Variants in SLC16A2 observed in about 807,000 individuals in gnomAD.
The protein encoded by SLC16A2 is solute carrier family 16 member 2.
Under a neutral mutation model 27.2 loss-of-function variants are expected in SLC16A2, and 3 were observed. The observed-to-expected ratio is 0.11, with a 90% CI of 0.05 to 0.28. SLC16A2 has a LOEUF of 0.28. Ranked by LOEUF, SLC16A2 falls within the 10% of genes least tolerant of loss-of-function variation. The pLI, the probability that SLC16A2 is intolerant of heterozygous loss-of-function variation, is 1.00. For synonymous variants in SLC16A2, 202 were observed against 187.8 expected, an observed-to-expected ratio of 1.08 and a Z score of -0.62; for missense variants, 295 against 458.5, an observed-to-expected ratio of 0.64 and a Z score of 3.26.
Position 74,495,940 on chromosome X carries a change from C to T in SLC16A2, c.431-25050C>T, listed in dbSNP as rs1324185733. On this transcript the variant is annotated intron_variant, in intron 1 of 5. Coordinates refer to ENST00000587091, the MANE Select transcript of SLC16A2 (RefSeq NM_006517.5). ...CTAGACCCAGCCAAGTCCCTGCTCC[C>T]GATCCCCAAGGTGTTCAGGAGGGGG... is the stretch of plus-strand genomic sequence containing the variant. Among the ~76,000 whole-genome samples, 10 of 111,141 alleles carry T rather than the reference C, an allele frequency of 9.0e-5. No individual in the cohort carries two copies. In the East Asian group the frequency reaches 2.8e-3, roughly 32 times the overall value.
intron 1 of SLC16A2, among the ~76,000 whole-genome samples, chrX:74,429,203 C>T (rs190123310): frequency 1.8e-5 from 2 of 111,444 alleles, no homozygotes; most frequent in Admixed American, 9.5e-5. Context: ...CCCAGTGGCT[C>T]AAGCCTGTAA....
chrX:74,493,521 C>T (rs1325910567), intron 1 of SLC16A2, among the ~76,000 whole-genome samples: 2 of 112,051 alleles, frequency 1.8e-5, no homozygotes, highest in Non-Finnish European at 3.8e-5. Context: ...GCTTCCCGTC[C>T]CCGAAGGACA....
chrX:74,512,094 G>A (rs780371275), intron 1 of SLC16A2, among the ~76,000 whole-genome samples: 1 of 111,921 alleles, frequency 8.9e-6, no homozygotes, highest in Non-Finnish European at 1.9e-5. Context: ...CCACCACCTG[G>A]CTGGATGTGC....
intron 2 of SLC16A2, among the ~76,000 whole-genome samples, chrX:74,522,151 G>A (rs1261884777): frequency 1.8e-5 from 2 of 111,824 alleles, no homozygotes; most frequent in African/African-American, 3.3e-5. Flanking sequence ...ACATGTCTGG[G>A]ATGAGGTCAG....
chrX:74,500,363 C>G (rs1455762777), intron 1 of SLC16A2, among the ~76,000 whole-genome samples: 4 of 111,508 alleles, frequency 3.6e-5, no homozygotes, highest in Non-Finnish European at 7.5e-5. Context: ...TAATTTAAAA[C>G]AGTGCTTATT....
At chrX:74,435,528 T>TATATATGTATATATATATATGC (rs1394418462) in intron 1 of SLC16A2, among the ~76,000 whole-genome samples, 1 of 65,880 alleles carries the variant, frequency 1.5e-5, no homozygotes, top group East Asian at 4.9e-3. Context: ...TATATATGCA[T>TATATATGTATATATATATATGC]ATATATATGT....
intron 1 of SLC16A2, among the ~76,000 whole-genome samples, chrX:74,429,513 G>T (rs1402373177): frequency 3.6e-5 from 4 of 110,572 alleles, no homozygotes; most frequent in Non-Finnish European, 7.6e-5. Flanking sequence ...GGAGGTGGGG[G>T]AGTGAAGCTC....
chrX:74,441,565 G>A (rs1026778911), intron 1 of SLC16A2, among the ~76,000 whole-genome samples: 1 of 111,909 alleles, frequency 8.9e-6, no homozygotes, highest in African/African-American at 3.3e-5. Flanking sequence ...TGTAGGCCTA[G>A]ACTTGAGCAG....
intron 1 of SLC16A2, among the ~76,000 whole-genome samples, chrX:74,455,023 G>A (rs1929017460): frequency 8.9e-6 from 1 of 112,192 alleles, no homozygotes; most frequent in Non-Finnish European, 1.9e-5. Flanking sequence ...GCACTCTAAA[G>A]CCAGAATGCC....
At chrX:74,479,070 G>T (rs1339152216) in intron 1 of SLC16A2, among the ~76,000 whole-genome samples, 1 of 112,006 alleles carries the variant, frequency 8.9e-6, no homozygotes. Flanking sequence ...ATAATATCCG[G>T]CAGAGTGTTT....
At chrX:74,470,219 G>A (rs887389542) in intron 1 of SLC16A2, among the ~76,000 whole-genome samples, 5 of 112,235 alleles carry the variant, frequency 4.5e-5, no homozygotes, top group Non-Finnish European at 3.8e-5. Flanking sequence ...TTCACCTACC[G>A]AAGGAAATCT....
intron 1 of SLC16A2, among the ~76,000 whole-genome samples, chrX:74,446,479 G>C (rs940750484): frequency 9.0e-6 from 1 of 111,443 alleles, no homozygotes; most frequent in African/African-American, 3.3e-5. Context: ...AAATTAGCCA[G>C]GTGTGGTGGC....
At chrX:74,499,367 T>G (rs759185116) in intron 1 of SLC16A2, among the ~76,000 whole-genome samples, 1 of 110,313 alleles carries the variant, frequency 9.1e-6, no homozygotes, top group African/African-American at 3.3e-5. Context: ...AGTATTCATC[T>G]CCTCCTCAAT....
chrX:74,473,364 A>T, intron 1 of SLC16A2: 2 of 539,700 alleles, frequency 3.7e-6, no homozygotes, highest in South Asian at 4.8e-5. Flanking sequence ...AACCACTTCC[A>T]CCTCTGGCTG....
At chrX:74,437,592 G>A (rs998573133) in intron 1 of SLC16A2, among the ~76,000 whole-genome samples, 4 of 112,139 alleles carry the variant, frequency 3.6e-5, no homozygotes, top group Non-Finnish European at 7.5e-5. Flanking sequence ...CAAAAGCAAG[G>A]TTTCCTTAGA....
At chrX:74,525,568 A>G (rs1930475420) in intron 3 of SLC16A2, among the ~76,000 whole-genome samples, 182 bp from the exon 4 acceptor site, 1 of 111,933 alleles carries the variant, frequency 8.9e-6, no homozygotes, top group African/African-American at 3.2e-5. Flanking sequence ...AGAAGTCCAG[A>G]ATCCAGACAG....
chrX:74,443,872 A>T (rs1928795616), intron 1 of SLC16A2, among the ~76,000 whole-genome samples: 1 of 110,946 alleles, frequency 9.0e-6, no homozygotes, highest in Non-Finnish European at 1.9e-5. Flanking sequence ...GCCCCATCAT[A>T]CCTTTTCCTC....
rs541012599 is a variant in SLC16A2 at position 74,514,291 on chromosome X, G to A, written c.431-6699G>A. Among the ~76,000 whole-genome samples the A allele has an allele frequency of 1.3e-4, 14 of 108,127 alleles. No homozygotes were observed. In the South Asian group the frequency reaches 5.3e-3, roughly 41 times the overall value. The allele number at this position is 108,127 out of a possible 115,157, so 93.9% of individuals were successfully genotyped here. On this transcript the variant is annotated intron_variant, in intron 1 of 5. Transcript: ENST00000587091. ...AAAAAAAAAAAGCTTGATTTGTCTA[G>A]CCAAAAGACGGGAAAAGGGGCAGCC...
chrX:74,435,547 A>ATGTG (rs1928616748), intron 1 of SLC16A2, among the ~76,000 whole-genome samples: 3 of 86,792 alleles, frequency 3.5e-5, no homozygotes, highest in African/African-American at 4.9e-5. Context: ...GTATATATAT[A>ATGTG]TATATATTTT....
Sources: gnomAD v4.1 joint callset for allele counts (sites outside exome capture counted in the v4.1 genomes callset) on GRCh38, gnomAD v4.1.1 for gene constraint, MANE v1.5 for transcripts, NCBI Gene and HGNC (gene_info 2026-07-23, HGNC 2026-07-21) for gene names.